Variants in ZNRF1 observed in about 807,000 individuals in gnomAD.
The protein encoded by ZNRF1 is E3 ubiquitin-protein ligase ZNRF1.
ZNRF1 carries 3 observed loss-of-function variants against 18.4 expected under a neutral mutation model. The observed-to-expected ratio is 0.16, with a 90% CI of 0.07 to 0.42. The LOEUF (loss-of-function observed/expected upper bound fraction) is 0.42, where lower values mean the gene tolerates loss of function less well. ZNRF1 is among the 10% of genes least tolerant of loss of function. ZNRF1 has a pLI of 0.99. For missense variants in ZNRF1, 310 were observed against 329.8 expected (o/e 0.94, Z 0.47); for synonymous variants, 157 against 144.2 (o/e 1.09, Z -0.64).
At chr16:75,069,174 A>G (rs2035839603) in intron 1 of ZNRF1, among the ~76,000 whole-genome samples, 1 of 152,176 alleles carries the variant, frequency 6.6e-6, no homozygotes, top group Non-Finnish European at 1.5e-5. Flanking sequence ...CTTTTCAGAA[A>G]AGAAAAAAAA....
chr16:75,036,069 C>T (rs2035372409), intron 1 of ZNRF1, among the ~76,000 whole-genome samples: 1 of 152,080 alleles, frequency 6.6e-6, no homozygotes, highest in Non-Finnish European at 1.5e-5. Context: ...ACCTGACATT[C>T]CTGGTTGGGG....
chr16:75,064,919 C>T (rs1448872316), intron 1 of ZNRF1, among the ~76,000 whole-genome samples: 1 of 152,216 alleles, frequency 6.6e-6, no homozygotes, highest in Admixed American at 6.5e-5. Context: ...CATGTGCCGT[C>T]CTTTGCCCCT....
rs1008658114 is a variant in ZNRF1 at position 75,108,044 on chromosome 16, G to T, written c.*344G>T. 9.7e-6 allele frequency: 3 copies of T among 309,076 alleles called. No homozygotes were observed. The highest frequency in any genetic ancestry group is 1.9e-5 in the Non-Finnish European group (3 of 157,776). 19.1% of individuals were successfully genotyped at this position (309,076 alleles called of 1,614,324 possible). ...TAAAAAAAAAGTCTAGTGTCGACTG[G>T]TGTTTTCCCTCGTGATGTTTACAGC... is the stretch of plus-strand genomic sequence containing the variant. On this transcript the variant is annotated 3_prime_UTR_variant, in exon 5 of 5. Coordinates refer to ENST00000335325, the MANE Select transcript of ZNRF1 (RefSeq NM_032268.5).
At chr16:75,089,858 G>A (rs1940483775) in intron 1 of ZNRF1, among the ~76,000 whole-genome samples, 1 of 152,146 alleles carries the variant, frequency 6.6e-6, no homozygotes, top group South Asian at 2.1e-4. Context: ...CTGCACTCAA[G>A]GAATCACGCT....
chr16:75,017,551 C>T (rs2035088401), intron 1 of ZNRF1, among the ~76,000 whole-genome samples: 1 of 152,156 alleles, frequency 6.6e-6, no homozygotes, highest in Admixed American at 6.6e-5. Context: ...ATAAATACAA[C>T]TTTTCAAGTT....
At chr16:75,087,597 G>C (rs1004876965) in intron 1 of ZNRF1, among the ~76,000 whole-genome samples, 11 of 152,208 alleles carry the variant, frequency 7.2e-5, no homozygotes, top group Non-Finnish European at 8.8e-5. Flanking sequence ...GGATCCTGTA[G>C]GCGCATTTGC....
At chr16:75,064,033 C>T (rs567215244) in intron 1 of ZNRF1, among the ~76,000 whole-genome samples, 32 of 152,288 alleles carry the variant, frequency 2.1e-4, no homozygotes, top group Admixed American at 7.9e-4. Context: ...TGCAGTGGCT[C>T]ACGCCTGTAA....
chr16:75,062,606 T>C (rs1483786740), intron 1 of ZNRF1, among the ~76,000 whole-genome samples: 1 of 152,266 alleles, frequency 6.6e-6, no homozygotes, highest in Non-Finnish European at 1.5e-5. Flanking sequence ...AGGCTTCTCT[T>C]GGCCGCCTGC....
chr16:75,106,362 G>A (rs1383217600), intron 3 of ZNRF1, 120 bp from the exon 4 acceptor site: 1 of 938,282 alleles, frequency 1.1e-6, no homozygotes, highest in Non-Finnish European at 1.7e-6. Flanking sequence ...TGTTTCCCTG[G>A]GGTCCTTTCA....
intron 1 of ZNRF1, among the ~76,000 whole-genome samples, chr16:75,091,472 G>A (rs1396235941): frequency 6.6e-6 from 1 of 151,522 alleles, no homozygotes; most frequent in Admixed American, 6.6e-5. Flanking sequence ...CAACAGTATA[G>A]TGAACTCTTG....
rs1433484049 is a variant in ZNRF1, at chr16:74,999,233, G to T, written c.-439G>T. 6.8e-6 allele frequency: 1 copy of T among 147,106 alleles called. No homozygotes were observed. Among genetic ancestry groups the T allele is most frequent in the Non-Finnish European group, 1.5e-5 (1 of 66,156 alleles). The allele number at this position is 147,106 out of a possible 1,614,324, so 9.1% of individuals were successfully genotyped here. A position where few individuals can be genotyped will look rare whatever the true frequency, so the allele number is the denominator to read the frequency against. On this transcript the variant is annotated 5_prime_UTR_variant, in exon 1 of 5. Transcript: ENST00000335325. ...CCATGGTCGCGGCGTCCTGAGGCGG[G>T]GGACGCGCCCGGCGCCCCCGGCCCT... is the stretch of plus-strand genomic sequence containing the variant.
intron 1 of ZNRF1, among the ~76,000 whole-genome samples, chr16:75,032,104 G>GTTTTTTTTTTTTTTTT (rs1162819265): frequency 9.2e-6 from 1 of 108,650 alleles, no homozygotes. Context: ...TTCTTGTGAG[G>GTTTTTTTTTTTTTTTT]TTTTTTTTTT....
chr16:75,064,070 A>C (rs1402355622), intron 1 of ZNRF1, among the ~76,000 whole-genome samples: 1 of 152,128 alleles, frequency 6.6e-6, no homozygotes, highest in African/African-American at 2.4e-5. Context: ...AGGCTGAGGC[A>C]GGCGGATCAC....
intron 1 of ZNRF1, among the ~76,000 whole-genome samples, chr16:75,078,140 G>C (rs2035965235): frequency 6.6e-6 from 1 of 152,100 alleles, no homozygotes; most frequent in East Asian, 1.9e-4. Flanking sequence ...TGAGAAAATG[G>C]AAGTTCACGG....
At chr16:75,075,325 C>T (rs1208459758) in intron 1 of ZNRF1, among the ~76,000 whole-genome samples, 1 of 152,278 alleles carries the variant, frequency 6.6e-6, no homozygotes, top group Non-Finnish European at 1.5e-5. Context: ...CGCCTGCAGT[C>T]TGTGCACATG....
chr16:75,103,794 G>T (rs1006578950), intron 2 of ZNRF1, among the ~76,000 whole-genome samples: 1 of 152,106 alleles, frequency 6.6e-6, no homozygotes. Flanking sequence ...AGACCAGCCC[G>T]GCCAACATGG....
rs186174818 is a variant in ZNRF1 at position 75,072,232 on chromosome 16, A to C, written c.425-21340A>C. Among the ~76,000 whole-genome samples, 479 of 152,178 alleles carry C rather than the reference A, an allele frequency of 3.1e-3. 2 individuals are homozygous for C. The highest frequency in any genetic ancestry group is 0.011 in the African/African-American group (458 of 41,518). On this transcript the variant is annotated intron_variant, in intron 1 of 4. Coordinates refer to ENST00000335325, the MANE Select transcript of ZNRF1 (RefSeq NM_032268.5). Reference sequence around the variant, plus strand: ...AGCAGTCCTCCTGCCTCAGCCTCCCAAAGTGCTGGGATTACAGGTATGAGC... The same window carrying C: ...AGCAGTCCTCCTGCCTCAGCCTCCCCAAGTGCTGGGATTACAGGTATGAGC...
intron 1 of ZNRF1, among the ~76,000 whole-genome samples, chr16:75,070,729 G>A (rs556476412): frequency 1.8e-4 from 28 of 152,080 alleles, no homozygotes; most frequent in African/African-American, 5.5e-4. Flanking sequence ...TTGTAACAGC[G>A]TGGACTTGCC....
At chr16:75,102,152 C>T (rs908681840) in intron 2 of ZNRF1, among the ~76,000 whole-genome samples, 6 of 152,210 alleles carry the variant, frequency 3.9e-5, no homozygotes, top group Admixed American at 6.5e-5. Flanking sequence ...CTTTGAGGAG[C>T]GGAAGCCATA....
Sources: allele counts gnomAD v4.1 joint callset (sites outside exome capture counted in the v4.1 genomes callset), GRCh38; gene constraint gnomAD v4.1.1; transcripts MANE v1.5; gene names NCBI Gene and HGNC (gene_info 2026-07-23, HGNC 2026-07-21).